Variants in CFAP299 observed in about 807,000 individuals in gnomAD.
The protein encoded by CFAP299 is cilia and flagella associated protein 299, also known as cilia- and flagella-associated protein 299.
Under a neutral mutation model 27.0 loss-of-function variants are expected in CFAP299, and 21 were observed. That is an observed-to-expected ratio of 0.78 (90% CI 0.55 to 1.12). The LOEUF is 1.12. Among genes scored for constraint, CFAP299 ranks in the 50% most tolerant of loss-of-function variants. CFAP299 has a pLI of 0.00. For synonymous variants in CFAP299, 104 were observed against 98.1 expected (o/e 1.06, Z -0.36); for missense variants, 310 against 276.6 (o/e 1.12, Z -0.86).
chr4:80,928,542 A>G (rs775291616), intron 4 of CFAP299, among the ~76,000 whole-genome samples: 15 of 152,152 alleles, frequency 9.9e-5, no homozygotes, highest in Non-Finnish European at 2.2e-4. Flanking sequence ...GAGCATCTCA[A>G]TATTCATAAT....
chr4:80,552,025 A>T (rs1734544535), intron 2 of CFAP299, among the ~76,000 whole-genome samples: 1 of 152,224 alleles, frequency 6.6e-6, no homozygotes, highest in Non-Finnish European at 1.5e-5. Flanking sequence ...CTGGGATTAC[A>T]GGCGTGAGCC....
chr4:80,744,751 G>C (rs1473456703), intron 3 of CFAP299, among the ~76,000 whole-genome samples: 5 of 151,970 alleles, frequency 3.3e-5, no homozygotes, highest in Admixed American at 3.3e-4. Context: ...TTTTTCCTCA[G>C]CTTGAGAAAA....
chr4:80,326,932 T>C, the CFAP299 span, among the ~76,000 whole-genome samples: 10 of 152,232 alleles, frequency 6.6e-5, no homozygotes, highest in Non-Finnish European at 1.0e-4. Flanking sequence ...ATTTGTATTA[T>C]AAAACTTGCA....
intron 3 of CFAP299, among the ~76,000 whole-genome samples, chr4:80,721,012 A>G (rs1174474750): frequency 6.6e-6 from 1 of 152,212 alleles, no homozygotes; most frequent in African/African-American, 2.4e-5. Context: ...TAGGGTAAAC[A>G]TTAAAGAAAA....
chr4:80,721,529 A>G (rs957743027), intron 3 of CFAP299, among the ~76,000 whole-genome samples: 1 of 152,188 alleles, frequency 6.6e-6, no homozygotes, highest in South Asian at 2.1e-4. Context: ...CATCCTAATG[A>G]CTTCATTTTA....
intron 3 of CFAP299, among the ~76,000 whole-genome samples, chr4:80,755,771 T>C (rs1725203002): frequency 6.6e-6 from 1 of 152,116 alleles, no homozygotes; most frequent in South Asian, 2.1e-4. Context: ...GCAAGTACTT[T>C]TACACTTCTC....
At position 80,690,257 on chromosome 4, in the gene CFAP299, A is replaced by G. The variant is rs534714182; in HGVS notation, c.333+107074A>G. ...GAATATACATTTTTTTCAGCACCAC[A>G]CCACACCTATTCCAAAATTGACCAC... On this transcript the variant is annotated intron_variant, in intron 3 of 5. Transcript: ENST00000358105. 6.2e-4 allele frequency among the ~76,000 whole-genome samples: 94 copies of G among 150,784 alleles called. 1 individual carries two copies. Among genetic ancestry groups the G allele is most frequent in the African/African-American group, 2.1e-3 (87 of 41,062 alleles).
chr4:80,953,428 T>G (rs1331186116), intron 5 of CFAP299, among the ~76,000 whole-genome samples: 10 of 152,298 alleles, frequency 6.6e-5, no homozygotes, highest in African/African-American at 2.2e-4. Flanking sequence ...CTCTGGGTAA[T>G]CACCTGGTAT....
At chr4:80,874,051 A>ATG (rs1272778946) in intron 4 of CFAP299, among the ~76,000 whole-genome samples, 1 of 152,208 alleles carries the variant, frequency 6.6e-6, no homozygotes, top group East Asian at 1.9e-4. Context: ...TCCTGTGCTT[A>ATG]AGTGCATTCT....
At chr4:80,387,268 C>T (rs753899275) in intron 2 of CFAP299, 232 of 1,610,352 alleles carry the variant, frequency 1.4e-4, no homozygotes, top group Non-Finnish European at 1.9e-4. Context: ...TCAGCTCCTC[C>T]TGGTGGCTCT....
At chr4:80,360,467 G>T (rs964946405) in intron 1 of CFAP299, among the ~76,000 whole-genome samples, 12 of 152,314 alleles carry the variant, frequency 7.9e-5, no homozygotes, top group African/African-American at 2.6e-4. Context: ...CACGTCAGGA[G>T]CAAGGATTGA....
chr4:80,687,746 C>CA (rs1720303775), intron 3 of CFAP299, among the ~76,000 whole-genome samples: 2 of 152,200 alleles, frequency 1.3e-5, no homozygotes, highest in East Asian at 3.9e-4. Context: ...ACGCAGAAGA[C>CA]AGGTGATTTC....
intron 1 of CFAP299, among the ~76,000 whole-genome samples, chr4:80,356,507 T>A (rs1723287205): frequency 6.6e-6 from 1 of 152,132 alleles, no homozygotes; most frequent in Non-Finnish European, 1.5e-5. Context: ...CTGTCTAATT[T>A]CCTTGAGCAG....
At chr4:80,736,064 G>T (rs1723848483) in intron 3 of CFAP299, among the ~76,000 whole-genome samples, 2 of 152,046 alleles carry the variant, frequency 1.3e-5, no homozygotes, top group Non-Finnish European at 2.9e-5. Context: ...TTCTTTTGCT[G>T]AGCAGAAGCT....
intron 3 of CFAP299, among the ~76,000 whole-genome samples, chr4:80,754,033 T>A (rs983272574): frequency 1.3e-5 from 2 of 152,130 alleles, no homozygotes; most frequent in Non-Finnish European, 2.9e-5. Flanking sequence ...GTCCATGAGT[T>A]TTTTTCCTTG....
intron 5 of CFAP299, among the ~76,000 whole-genome samples, chr4:80,946,726 T>A (rs1455285953): frequency 6.6e-6 from 1 of 152,184 alleles, no homozygotes; most frequent in Non-Finnish European, 1.5e-5. Flanking sequence ...AGGGCTGTAT[T>A]TATTATGAAT....
chr4:80,710,477 C>G (rs376023168), intron 3 of CFAP299, among the ~76,000 whole-genome samples: 1 of 79,278 alleles, frequency 1.3e-5, no homozygotes, highest in Non-Finnish European at 2.4e-5. Flanking sequence ...CTTTCTTTTT[C>G]TTTTTCTTTT....
At position 80,366,928 on chromosome 4, in the gene CFAP299, A is replaced by G. The variant is rs146434596; in HGVS notation, c.242+4044A>G. 2.7e-3 allele frequency among the ~76,000 whole-genome samples: 414 copies of G among 152,330 alleles called. 2 individuals carry two copies. Among genetic ancestry groups the G allele is most frequent in the Non-Finnish European group, 4.0e-3 (275 of 68,030 alleles). On this transcript the variant is annotated intron_variant, in intron 2 of 5. Coordinates refer to ENST00000358105, the MANE Select transcript of CFAP299 (RefSeq NM_152770.3). ...ACAACATGAAAAACCTTAACACATT[A>G]GGGTAAGCAAAGGAGGCTAGAAAAA... is the stretch of plus-strand genomic sequence containing the variant.
At position 80,371,337 on chromosome 4, in the gene CFAP299, T is replaced by C. The variant is rs548058306; in HGVS notation, c.242+8453T>C. 2.1e-4 allele frequency among the ~76,000 whole-genome samples: 32 copies of C among 152,332 alleles called. No homozygotes were observed. In the South Asian group the frequency reaches 5.2e-3, roughly 25 times the overall value. ...CCACGAAGGTCTCTGGAATGCCTTT[T>C]GAGGCCTTTTCCCCATTATCTTGGC... On this transcript the variant is annotated intron_variant, in intron 2 of 5. Coordinates refer to ENST00000358105, the MANE Select transcript of CFAP299 (RefSeq NM_152770.3).
Sources: gnomAD v4.1 joint callset for allele counts (sites outside exome capture counted in the v4.1 genomes callset) on GRCh38, gnomAD v4.1.1 for gene constraint, MANE v1.5 for transcripts, NCBI Gene and HGNC (gene_info 2026-07-23, HGNC 2026-07-21) for gene names.